OR2C1: variants seen among roughly 807,000 people sequenced by gnomAD.
The protein encoded by OR2C1 is olfactory receptor family 2 subfamily C member 1.
For missense variants in OR2C1, 468 were observed against 388.3 expected, an observed-to-expected ratio of 1.21 and a Z score of -1.73; for synonymous variants, 209 against 167.3, an observed-to-expected ratio of 1.25 and a Z score of -1.92.
the OR2C1 span, among the ~76,000 whole-genome samples, chr16:3,344,509 C>T: frequency 1.3e-5 from 2 of 151,912 alleles, no homozygotes; most frequent in African/African-American, 2.4e-5. Context: ...GGGTGGATCA[C>T]GAGGTCAGGA....
chr16:3,338,935 C>T, the OR2C1 span, among the ~76,000 whole-genome samples: 1 of 152,164 alleles, frequency 6.6e-6, no homozygotes, highest in Non-Finnish European at 1.5e-5. Flanking sequence ...TGTTGTTTAA[C>T]CACCAGCTTC....
At chr16:3,355,833 A>G, upstream of OR2C1, 1 of 762,968 alleles carries the variant, frequency 1.3e-6, no homozygotes, top group South Asian at 1.8e-5. Context: ...CCAGAGAACT[A>G]TTAGACCGTT....
At chr16:3,323,544 G>A in the OR2C1 span, 4 of 751,672 alleles carry the variant, frequency 5.3e-6, no homozygotes, top group Non-Finnish European at 9.7e-6. Context: ...AGCATTTTTA[G>A]GTTCTGGGGG....
chr16:3,352,579 T>G (rs2030589009), upstream of OR2C1, among the ~76,000 whole-genome samples: 1 of 152,120 alleles, frequency 6.6e-6, no homozygotes, highest in Non-Finnish European at 1.5e-5. Context: ...CATCCTTAAT[T>G]GACTTTTTCT....
At chr16:3,345,798 T>TTCTC in the OR2C1 span, among the ~76,000 whole-genome samples, 8 of 148,762 alleles carry the variant, frequency 5.4e-5, no homozygotes, top group East Asian at 1.6e-3. Context: ...CTTTCTCTCT[T>TTCTC]TCTCTTTTCT....
the OR2C1 span, among the ~76,000 whole-genome samples, chr16:3,325,460 AATATATATATATAT>A: frequency 0.037 from 3,485 of 93,102 alleles, 98 homozygotes; most frequent in Middle Eastern, 0.054. Flanking sequence ...TATGTCTAAA[AATATATATATATAT>A]ATATATATAT....
At chr16:3,354,246 A>G (rs1356941021), upstream of OR2C1, among the ~76,000 whole-genome samples, 1 of 151,716 alleles carries the variant, frequency 6.6e-6, no homozygotes, top group Non-Finnish European at 1.5e-5. Flanking sequence ...TGACCTCCCA[A>G]AGTGTTGGGA....
At chr16:3,340,439 T>G in the OR2C1 span, among the ~76,000 whole-genome samples, 2 of 152,212 alleles carry the variant, frequency 1.3e-5, no homozygotes, top group African/African-American at 4.8e-5. Flanking sequence ...AATAATGCCC[T>G]ATGATACACA....
In OR2C1 at chr16:3,355,916, A is replaced by C. The variant is rs1180203703; in HGVS notation, c.-25A>C. ...CCAGCAGCTTGCGCTAAATGAATTC[A>C]TCAAGTGACTGAAGACAACCAGTGA... On this transcript the variant is annotated 5_prime_UTR_variant, in exon 1 of 1. Transcript: ENST00000304936. 2.6e-6 allele frequency: 4 copies of C among 1,540,944 alleles called. No individual in the cohort carries two copies. The African/African-American group carries it at 4.1e-5, about 16-fold the overall frequency.
At chr16:3,329,167 A>AACAC in the OR2C1 span, among the ~76,000 whole-genome samples, 1 of 32,602 alleles carries the variant, frequency 3.1e-5, no homozygotes, top group African/African-American at 1.5e-4. Context: ...GATGGGAGGG[A>AACAC]AGACACACAC....
the OR2C1 span, among the ~76,000 whole-genome samples, chr16:3,330,922 AT>A: frequency 0.21 from 31,426 of 150,888 alleles, 3,432 homozygotes; most frequent in South Asian, 0.3. Flanking sequence ...GTAATTAAAA[AT>A]TTTTTTTTTC....
At chr16:3,336,762 G>T in the OR2C1 span, among the ~76,000 whole-genome samples, 1 of 128,474 alleles carries the variant, frequency 7.8e-6, no homozygotes, top group East Asian at 2.5e-4. Context: ...AGGCTGGAGT[G>T]CAGTGGCATG....
At chr16:3,349,012 A>C in the OR2C1 span, among the ~76,000 whole-genome samples, 2 of 151,756 alleles carry the variant, frequency 1.3e-5, no homozygotes, top group Admixed American at 1.3e-4. Context: ...TGGCCATCAC[A>C]GGAGTCAGGT....
the OR2C1 span, among the ~76,000 whole-genome samples, chr16:3,337,429 A>G: frequency 6.6e-6 from 1 of 152,018 alleles, no homozygotes; most frequent in Non-Finnish European, 1.5e-5. Flanking sequence ...TCAGCCTCCC[A>G]AAGTGCTGGG....
At chr16:3,339,521 A>G in the OR2C1 span, among the ~76,000 whole-genome samples, 1 of 152,078 alleles carries the variant, frequency 6.6e-6, no homozygotes, top group Non-Finnish European at 1.5e-5. Flanking sequence ...CAGTGGTGCA[A>G]TCTCAGCTCA....
At chr16:3,329,826 C>T in the OR2C1 span, among the ~76,000 whole-genome samples, 3 of 134,752 alleles carry the variant, frequency 2.2e-5, no homozygotes, top group African/African-American at 5.7e-5. Flanking sequence ...GCAATCTCAG[C>T]TCACTGTAAC....
At chr16:3,341,091 A>G in the OR2C1 span, among the ~76,000 whole-genome samples, 2 of 151,970 alleles carry the variant, frequency 1.3e-5, no homozygotes, top group Admixed American at 6.5e-5. Context: ...TATAATTACA[A>G]GATGTCTTTC....
chr16:3,332,709 A>G, the OR2C1 span, among the ~76,000 whole-genome samples: 107 of 111,196 alleles, frequency 9.6e-4, no homozygotes, highest in African/African-American at 3.3e-3. Flanking sequence ...CTGAATAATA[A>G]TATTCTATTG....
At chr16:3,345,161 A>G in the OR2C1 span, among the ~76,000 whole-genome samples, 1 of 151,990 alleles carries the variant, frequency 6.6e-6, no homozygotes, top group Non-Finnish European at 1.5e-5. Flanking sequence ...TTGTGGAGGA[A>G]AAAGTGAATT....
Sources: allele counts gnomAD v4.1 joint callset (sites outside exome capture counted in the v4.1 genomes callset), GRCh38; gene constraint gnomAD v4.1.1; transcripts MANE v1.5; gene names NCBI Gene and HGNC (gene_info 2026-07-23, HGNC 2026-07-21).